COX10: variants seen among roughly 807,000 people sequenced by gnomAD.
COX10 encodes the protein cytochrome c oxidase assembly factor heme A:farnesyltransferase COX10, also known as protoheme IX farnesyltransferase, mitochondrial.
Under a neutral mutation model 37.3 loss-of-function variants are expected in COX10, and 27 were observed. The ratio of observed to expected loss-of-function variants is 0.72; its 90% confidence interval spans 0.53 to 1.00. The LOEUF (loss-of-function observed/expected upper bound fraction) is 1.00. Ranked by LOEUF, COX10 falls within the 50% of genes least tolerant of loss-of-function variation. The pLI is 0.00. For synonymous variants in COX10, 222 were observed against 229.1 expected, an observed-to-expected ratio of 0.97 and a Z score of 0.28; for missense variants, 475 against 563.2, an observed-to-expected ratio of 0.84 and a Z score of 1.59.
At chr17:14,083,080 T>C (rs2142186955) in intron 3 of COX10, among the ~76,000 whole-genome samples, 1 of 152,250 alleles carries the variant, frequency 6.6e-6, no homozygotes, top group Admixed American at 6.5e-5. Context: ...AAGAGAGGCA[T>C]GCAAAGCAAG....
At chr17:14,082,058 G>T (rs1040008096) in intron 3 of COX10, among the ~76,000 whole-genome samples, 1 of 152,190 alleles carries the variant, frequency 6.6e-6, no homozygotes, top group African/African-American at 2.4e-5. Flanking sequence ...GAAGAACCAG[G>T]GGTCTTCAGC....
At chr17:14,155,546 T>C (rs1049609174) in intron 4 of COX10, among the ~76,000 whole-genome samples, 1 of 151,900 alleles carries the variant, frequency 6.6e-6, no homozygotes. Flanking sequence ...AAACCCTGTC[T>C]CTATTAAAAA....
intron 4 of COX10, among the ~76,000 whole-genome samples, chr17:14,159,115 A>T (rs1217671118): frequency 6.6e-6 from 1 of 152,172 alleles, no homozygotes; most frequent in East Asian, 1.9e-4. Context: ...CCAAGCTAGG[A>T]TGCTTTCAGA....
At chr17:14,122,811 T>G (rs1204878733) in intron 4 of COX10, among the ~76,000 whole-genome samples, 3 of 152,176 alleles carry the variant, frequency 2.0e-5, no homozygotes, top group Non-Finnish European at 1.5e-5. Flanking sequence ...AATTAATCTT[T>G]TATAATTATG....
Position 14,076,852 on chromosome 17 carries a change from A to G in COX10, c.295A>G (p.Met99Val), listed in dbSNP as rs747853700. 2 of 1,614,210 alleles carry G rather than the reference A, an allele frequency of 1.2e-6. No individual in the cohort carries two copies. The highest frequency in any genetic ancestry group is 4.5e-5 in the East Asian group (2 of 44,884). ...TCAAGCCAAAGCAGAAATATATGAG[A>G]TGAGACCTCTCTCACCGCCCAGCCT... ...SGQAKAEIYE[M>V]RPLSPPSLSL... Residue 99 changes from methionine (M) to valine (V), a missense_variant, in exon 3 of 7, where the codon ATG becomes GTG. Coordinates refer to ENST00000261643, the MANE Select transcript of COX10 (RefSeq NM_001303.4).
chr17:14,188,733 C>T (rs1219934866), intron 5 of COX10, among the ~76,000 whole-genome samples: 3 of 152,180 alleles, frequency 2.0e-5, no homozygotes, highest in African/African-American at 7.2e-5. Flanking sequence ...ATTTCCCATC[C>T]AAATGCTCAC....
intron 5 of COX10, among the ~76,000 whole-genome samples, chr17:14,165,115 G>T (rs1165019278): frequency 2.0e-5 from 3 of 152,146 alleles, no homozygotes; most frequent in African/African-American, 4.8e-5. Flanking sequence ...ATGCAAATTG[G>T]CATTGCTTCT....
In COX10 at chr17:14,102,176, G is replaced by A. The variant is rs764247894; in HGVS notation, c.558G>A (p.Trp186Ter). ...GFALAPGPFD[W>*]PCFLLTSVGT... ...CATTGGCTCCGGGCCCTTTTGACTG[G>A]CCCTGTTTCCTGCTTACTTCTGTTG... The change falls in exon 4 of 7, where the codon TGG becomes TGA. Residue 186 changes from tryptophan to a stop codon, truncating the protein, a stop_gained. Transcript: ENST00000261643. LOFTEE classifies it high-confidence loss of function. The A allele has an allele frequency of 6.2e-7, 1 of 1,613,706 alleles. No individual in the cohort carries two copies. The highest frequency in any genetic ancestry group is 1.7e-5 in the Admixed American group (1 of 59,974).
At chr17:14,111,115 A>G (rs966136131) in intron 4 of COX10, among the ~76,000 whole-genome samples, 4 of 152,096 alleles carry the variant, frequency 2.6e-5, no homozygotes, top group Non-Finnish European at 5.9e-5. Flanking sequence ...AGAGCTCCAG[A>G]CTGCTTTGAG....
chr17:14,207,018 GA>G lies in COX10; in HGVS notation c.1138del (p.Thr380ProfsTer96), dbSNP rs778269404. On this transcript the variant is annotated frameshift_variant, in exon 7 of 7. Coordinates refer to ENST00000261643, the MANE Select transcript of COX10 (RefSeq NM_001303.4). LOFTEE classifies it high-confidence loss of function. ...AAPVLDITTW[T>X]FPIMALPINA... ...CCCCTGTGCTGGACATCACCACATGGACCTTCCCCATCATGGCCCTTCCCAT... is the reference window on the plus strand; with the variant it reads ...CCCCTGTGCTGGACATCACCACATGGCCTTCCCCATCATGGCCCTTCCCAT... 2 of 1,614,062 alleles carry G rather than the reference GA, an allele frequency of 1.2e-6. No homozygotes were observed. The highest frequency in any genetic ancestry group is 1.7e-6 in the Non-Finnish European group (2 of 1,179,930).
At chr17:14,133,980 C>A (rs1051777503) in intron 4 of COX10, among the ~76,000 whole-genome samples, 4 of 151,392 alleles carry the variant, frequency 2.6e-5, no homozygotes, top group Non-Finnish European at 5.9e-5. Context: ...CTAAGAGGAA[C>A]CCTGGTATTC....
intron 5 of COX10, among the ~76,000 whole-genome samples, chr17:14,163,956 C>A (rs943375140): frequency 1.3e-4 from 20 of 152,034 alleles, no homozygotes; most frequent in Admixed American, 7.9e-4. Context: ...TGGTGTAAAG[C>A]CTTTTAGAGT....
intron 6 of COX10, among the ~76,000 whole-genome samples, chr17:14,198,414 ATTTTTCCTC>A (rs1567613281): frequency 6.6e-6 from 1 of 152,004 alleles, no homozygotes; most frequent in Non-Finnish European, 1.5e-5. Flanking sequence ...GGTTCAGATT[ATTTTTCCTC>A]ATTTTCCTAA....
At chr17:14,150,007 A>G (rs902915826) in intron 4 of COX10, among the ~76,000 whole-genome samples, 1 of 152,150 alleles carries the variant, frequency 6.6e-6, no homozygotes, top group Non-Finnish European at 1.5e-5. Flanking sequence ...ACAGTGACTC[A>G]CGCCTGTAAT....
intron 4 of COX10, among the ~76,000 whole-genome samples, chr17:14,137,272 A>G (rs1437163115): frequency 2.0e-5 from 3 of 151,100 alleles, no homozygotes; most frequent in Non-Finnish European, 4.4e-5. Flanking sequence ...TATTATAAAC[A>G]TATTAAATAT....
At chr17:14,181,188 A>G (rs1905846444) in intron 5 of COX10, among the ~76,000 whole-genome samples, 1 of 152,190 alleles carries the variant, frequency 6.6e-6, no homozygotes. Context: ...GATGGAGAGA[A>G]GTGTTTCAGG....
intron 1 of COX10, among the ~76,000 whole-genome samples, chr17:14,071,170 T>C (rs1410414958): frequency 6.6e-6 from 1 of 152,226 alleles, no homozygotes; most frequent in Non-Finnish European, 1.5e-5. Context: ...ATATCTTCTC[T>C]GTATGGAGGT....
At chr17:14,139,944 C>T in intron 4 of COX10, among the ~76,000 whole-genome samples, 1 of 152,158 alleles carries the variant, frequency 6.6e-6, no homozygotes, top group East Asian at 1.9e-4. Context: ...AAGCACTCAA[C>T]AGTAAAGAAA....
intron 5 of COX10, among the ~76,000 whole-genome samples, chr17:14,189,838 G>A (rs1477889125): frequency 6.6e-6 from 1 of 152,140 alleles, no homozygotes; most frequent in Admixed American, 6.5e-5. Flanking sequence ...AGGAATGTGT[G>A]TGGTCCACTC....
Sources: gnomAD v4.1 joint callset for allele counts (sites outside exome capture counted in the v4.1 genomes callset) on GRCh38, gnomAD v4.1.1 for gene constraint, MANE v1.5 for transcripts, NCBI Gene and HGNC (gene_info 2026-07-23, HGNC 2026-07-21) for gene names.